Variants in ZFHX3 observed in about 807,000 individuals in gnomAD.
ZFHX3 encodes zinc finger homeobox protein 3.
A neutral mutation model predicts 279.1 loss-of-function variants in ZFHX3; 42 were observed. The observed-to-expected ratio is 0.15, with a 90% CI of 0.12 to 0.19. ZFHX3 has a LOEUF of 0.19. Ranked by LOEUF, ZFHX3 falls within the 10% of genes least tolerant of loss-of-function variation. The pLI, the probability that ZFHX3 is intolerant of heterozygous loss-of-function variation, is 1.00. For missense variants in ZFHX3, 4,981 were observed against 4,754.0 expected, an observed-to-expected ratio of 1.05 and a Z score of -1.40; for synonymous variants, 2,293 against 1,957.8, an observed-to-expected ratio of 1.17 and a Z score of -4.52.
At chr16:73,658,687 T>C (rs2052748840) in intron 2 of ZFHX3, among the ~76,000 whole-genome samples, 2 of 152,228 alleles carry the variant, frequency 1.3e-5, no homozygotes, top group Admixed American at 6.5e-5. Context: ...CATTTTTTAA[T>C]AATACCAAGT....
intron 5 of ZFHX3, among the ~76,000 whole-genome samples, chr16:73,154,533 C>T (rs1295507741): frequency 6.6e-6 from 1 of 152,134 alleles, no homozygotes; most frequent in South Asian, 2.1e-4. Flanking sequence ...AAATGAATGA[C>T]TTGGGGGTGG....
At position 73,814,068 on chromosome 16, in the gene ZFHX3, C is replaced by G. The variant is rs542279589; in HGVS notation, c.-1608+77583G>C. ...CTGTTGGCCCAGTTATTTCTCTTTG[C>G]AAGTAATATCTGCAATTAAAAATGT... On this transcript the variant is annotated intron_variant, in intron 1 of 17. Coordinates refer to the ZFHX3 transcript ENST00000641206. 2.6e-5 allele frequency among the ~76,000 whole-genome samples: 4 copies of G among 152,280 alleles called. No homozygotes were observed. The East Asian group carries it at 7.7e-4, about 29-fold the overall frequency.
intron 5 of ZFHX3, among the ~76,000 whole-genome samples, chr16:73,148,537 C>T (rs943760932): frequency 1.6e-5 from 2 of 125,560 alleles, no homozygotes; most frequent in African/African-American, 3.0e-5. Flanking sequence ...AATGCGCCTT[C>T]GTCTGGCAAA....
chr16:73,740,997 G>A (rs1231348199), intron 1 of ZFHX3, among the ~76,000 whole-genome samples: 1 of 147,620 alleles, frequency 6.8e-6, no homozygotes, highest in African/African-American at 2.5e-5. Context: ...GGTTTACACT[G>A]TACTGGTTAC....
intron 2 of ZFHX3, among the ~76,000 whole-genome samples, chr16:73,519,558 C>A (rs115419198): frequency 1.3e-5 from 2 of 151,950 alleles, no homozygotes; most frequent in Non-Finnish European, 2.9e-5. Context: ...AATTTCTTTC[C>A]GTCCCATTTT....
At chr16:73,833,241 T>C (rs1961047387) in intron 1 of ZFHX3, among the ~76,000 whole-genome samples, 1 of 152,150 alleles carries the variant, frequency 6.6e-6, no homozygotes, top group African/African-American at 2.4e-5. Flanking sequence ...TACACACCTG[T>C]AGTCTTACCT....
At chr16:73,125,623 G>C (rs970798721) in intron 7 of ZFHX3, among the ~76,000 whole-genome samples, 1 of 152,000 alleles carries the variant, frequency 6.6e-6, no homozygotes, top group Admixed American at 6.6e-5. Flanking sequence ...GCCTCCCAGC[G>C]TACATCTTTC....
intron 3 of ZFHX3, among the ~76,000 whole-genome samples, chr16:72,915,392 T>G (rs1448471928): frequency 6.6e-6 from 1 of 152,156 alleles, no homozygotes; most frequent in Non-Finnish European, 1.5e-5. Context: ...CGACACCCAG[T>G]GTCCGGGATC....
At chr16:72,833,367 G>T (rs182403217) in intron 4 of ZFHX3, among the ~76,000 whole-genome samples, 2 of 152,096 alleles carry the variant, frequency 1.3e-5, no homozygotes, top group Non-Finnish European at 2.9e-5. Flanking sequence ...CCTCTTCTGC[G>T]AAGTCACTGG....
chr16:72,789,611 T>G (rs1455231086), intron 9 of ZFHX3: 2 of 152,250 alleles, frequency 1.3e-5, no homozygotes, highest in African/African-American at 4.8e-5. Flanking sequence ...GCTGACTGGA[T>G]GCTTTCGGAG....
intron 3 of ZFHX3, among the ~76,000 whole-genome samples, chr16:72,893,894 A>G (rs1046235098): frequency 3.9e-5 from 6 of 152,194 alleles, no homozygotes; most frequent in Admixed American, 6.5e-5. Flanking sequence ...TCACACCTGT[A>G]AACCCAGGAC....
At chr16:72,971,739 T>A (rs574081207) in intron 1 of ZFHX3, among the ~76,000 whole-genome samples, 1 of 152,212 alleles carries the variant, frequency 6.6e-6, no homozygotes, top group African/African-American at 2.4e-5. Flanking sequence ...ACAGTGGGTA[T>A]TTACTTTGTT....
intron 2 of ZFHX3, among the ~76,000 whole-genome samples, chr16:73,514,574 GT>G (rs1220909633): frequency 2.0e-5 from 3 of 151,880 alleles, no homozygotes; most frequent in Non-Finnish European, 4.4e-5. Context: ...GTTACTATTG[GT>G]TAAAAAGAAC....
intron 3 of ZFHX3, among the ~76,000 whole-genome samples, chr16:72,937,292 G>A (rs1040369301): frequency 6.6e-6 from 1 of 152,182 alleles, no homozygotes; most frequent in Non-Finnish European, 1.5e-5. Flanking sequence ...ACAGAAAAAA[G>A]AAGGGGCTCT....
intron 7 of ZFHX3, among the ~76,000 whole-genome samples, chr16:73,118,376 T>C (rs1966456810): frequency 6.6e-6 from 1 of 152,058 alleles, no homozygotes; most frequent in Non-Finnish European, 1.5e-5. Context: ...GCCTGCCTAA[T>C]TTTTGTATTT....
chr16:73,149,598 A>G (rs1966891989), intron 5 of ZFHX3, among the ~76,000 whole-genome samples: 1 of 152,116 alleles, frequency 6.6e-6, no homozygotes, highest in African/African-American at 2.4e-5. Flanking sequence ...TTATTGCTCT[A>G]CATCTTCTGC....
At chr16:73,634,771 G>A (rs1259891165) in intron 2 of ZFHX3, among the ~76,000 whole-genome samples, 1 of 152,124 alleles carries the variant, frequency 6.6e-6, no homozygotes, top group Non-Finnish European at 1.5e-5. Flanking sequence ...AGCACTGGGT[G>A]ACAAAGAAAT....
intron 7 of ZFHX3, among the ~76,000 whole-genome samples, chr16:73,102,265 C>G (rs971958613): frequency 2.0e-5 from 3 of 152,154 alleles, no homozygotes; most frequent in Non-Finnish European, 4.4e-5. Flanking sequence ...AAATGTTCAC[C>G]TGAGCTCACC....
chr16:73,636,571 A>C (rs2052528990), intron 2 of ZFHX3, among the ~76,000 whole-genome samples: 1 of 152,158 alleles, frequency 6.6e-6, no homozygotes, highest in Non-Finnish European at 1.5e-5. Context: ...GAAATTGTAA[A>C]ATGCAGTTAA....
Sources: gnomAD v4.1 joint callset for allele counts (sites outside exome capture counted in the v4.1 genomes callset) on GRCh38, gnomAD v4.1.1 for gene constraint, MANE v1.5 for transcripts, NCBI Gene and HGNC (gene_info 2026-07-23, HGNC 2026-07-21) for gene names.